GRIK2: variants seen among roughly 807,000 people sequenced by gnomAD.
GRIK2 encodes glutamate ionotropic receptor kainate type subunit 2.
A neutral mutation model predicts 100.3 loss-of-function variants in GRIK2; 32 were observed. That is an observed-to-expected ratio of 0.32 (90% CI 0.24 to 0.43). The LOEUF (loss-of-function observed/expected upper bound fraction) is 0.43, where lower values mean the gene tolerates loss of function less well. Among genes scored for constraint, GRIK2 ranks in the 20% least tolerant of loss-of-function variants. The probability of loss-of-function intolerance (pLI) is 1.00; values close to 1 mark genes in which losing one functional copy is unlikely to be tolerated. For missense variants in GRIK2, 843 were observed against 1,114.9 expected (o/e 0.76, Z 3.47); for synonymous variants, 417 against 389.4 (o/e 1.07, Z -0.83).
chr6:101,606,585 C>G (rs1367452307), intron 2 of GRIK2, among the ~76,000 whole-genome samples: 1 of 151,982 alleles, frequency 6.6e-6, no homozygotes, highest in African/African-American at 2.4e-5. Flanking sequence ...CTAATAATAG[C>G]AGAAACAGGA....
At chr6:101,461,402 CTTG>C (rs1771301212) in intron 2 of GRIK2, among the ~76,000 whole-genome samples, 1 of 152,142 alleles carries the variant, frequency 6.6e-6, no homozygotes, top group African/African-American at 2.4e-5. Context: ...ATCCTAGTTA[CTTG>C]TTGTTTGCAG....
At chr6:101,944,974 T>C (rs1791185540) in intron 14 of GRIK2, among the ~76,000 whole-genome samples, 1 of 152,040 alleles carries the variant, frequency 6.6e-6, no homozygotes, top group Non-Finnish European at 1.5e-5. Flanking sequence ...ATTACTTCAC[T>C]TGGAAAGATA....
chr6:102,047,969 C>A (rs1027786587), intron 15 of GRIK2, among the ~76,000 whole-genome samples: 2 of 151,076 alleles, frequency 1.3e-5, no homozygotes, highest in Non-Finnish European at 1.5e-5. Flanking sequence ...CACTGCAAAT[C>A]AATAGTAATC....
In GRIK2 at chr6:101,731,223, TAAAGA is replaced by T. The variant is rs201978740; in HGVS notation, c.951+44873_951+44877del. Among the ~76,000 whole-genome samples, 508 of 152,098 alleles carry T rather than the reference TAAAGA, an allele frequency of 3.3e-3. 3 individuals are homozygous for T. Among genetic ancestry groups the T allele is most frequent in the African/African-American group, 0.01 (435 of 41,562 alleles). ...GACAATTCCACCCTAACCCAGTTGC[TAAAGA>T]AACTGTTTTGATGCCTTTATTTTTC... On this transcript the variant is annotated intron_variant, in intron 7 of 16. Coordinates refer to ENST00000369134, the MANE Select transcript of GRIK2 (RefSeq NM_021956.5).
At chr6:101,498,183 C>A (rs982241453) in intron 2 of GRIK2, among the ~76,000 whole-genome samples, 1 of 150,578 alleles carries the variant, frequency 6.6e-6, no homozygotes, top group African/African-American at 2.5e-5. Context: ...CATGTCCCTA[C>A]AAAGGACATG....
chr6:101,760,220 T>C (rs1459163439), intron 7 of GRIK2, among the ~76,000 whole-genome samples: 2 of 146,516 alleles, frequency 1.4e-5, no homozygotes, highest in Admixed American at 1.4e-4. Flanking sequence ...TTTAACATTG[T>C]TGAGTGATGA....
intron 11 of GRIK2, among the ~76,000 whole-genome samples, chr6:101,859,901 A>T (rs992488591): frequency 6.6e-6 from 1 of 152,180 alleles, no homozygotes; most frequent in Non-Finnish European, 1.5e-5. Context: ...TATTCTAAGA[A>T]AAAGGGGTGA....
At chr6:101,667,428 T>A (rs571131065) in intron 4 of GRIK2, among the ~76,000 whole-genome samples, 1 of 152,324 alleles carries the variant, frequency 6.6e-6, no homozygotes, top group South Asian at 2.1e-4. Flanking sequence ...ATTCTAAGTG[T>A]GTACACACAT....
intron 12 of GRIK2, among the ~76,000 whole-genome samples, chr6:101,904,984 G>T (rs1159122752): frequency 6.6e-6 from 1 of 151,456 alleles, no homozygotes; most frequent in Non-Finnish European, 1.5e-5. Context: ...AAGCAGAACT[G>T]AAAGAAGGTC....
At chr6:101,995,837 C>T (rs1370644244) in intron 14 of GRIK2, among the ~76,000 whole-genome samples, 1 of 151,866 alleles carries the variant, frequency 6.6e-6, no homozygotes, top group African/African-American at 2.4e-5. Context: ...TACCTATTCA[C>T]AAAATTGTTT....
intron 12 of GRIK2, among the ~76,000 whole-genome samples, chr6:101,907,367 T>G (rs1788301921): frequency 1.6e-5 from 2 of 122,922 alleles, no homozygotes. Flanking sequence ...CCTATGGAGT[T>G]CTAGGCCCCT....
intron 2 of GRIK2, among the ~76,000 whole-genome samples, chr6:101,586,407 A>C (rs1439159402): frequency 6.6e-6 from 1 of 152,140 alleles, no homozygotes; most frequent in Non-Finnish European, 1.5e-5. Context: ...ATTGTAACAT[A>C]AAAAGTGATC....
At chr6:101,652,711 A>C (rs1024709335) in intron 4 of GRIK2, among the ~76,000 whole-genome samples, 7 of 152,188 alleles carry the variant, frequency 4.6e-5, no homozygotes, top group African/African-American at 1.7e-4. Context: ...TGCAGTATTG[A>C]GAGAATTGTG....
At chr6:101,399,943 G>A (rs993718505) in intron 2 of GRIK2, among the ~76,000 whole-genome samples, 1 of 152,166 alleles carries the variant, frequency 6.6e-6, no homozygotes, top group Non-Finnish European at 1.5e-5. Flanking sequence ...CCAGTCCCTG[G>A]TGCCCTTACT....
intron 2 of GRIK2, among the ~76,000 whole-genome samples, chr6:101,483,615 C>T (rs1257177029): frequency 6.6e-6 from 1 of 152,128 alleles, no homozygotes; most frequent in East Asian, 1.9e-4. Context: ...TGCTCTGTTG[C>T]CTAGGCTGGA....
intron 7 of GRIK2, among the ~76,000 whole-genome samples, chr6:101,693,008 A>G (rs9390768): frequency 0.16 from 24,120 of 152,082 alleles, 2,510 homozygotes; most frequent in East Asian, 0.44. Context: ...TCTAAGATGC[A>G]CTAAGCTACA....
chr6:101,484,145 G>T (rs1336943210), intron 2 of GRIK2, among the ~76,000 whole-genome samples: 1 of 152,082 alleles, frequency 6.6e-6, no homozygotes, highest in Non-Finnish European at 1.5e-5. Context: ...AGACAACAAA[G>T]AATAAAATGA....
intron 2 of GRIK2, among the ~76,000 whole-genome samples, chr6:101,464,197 C>T (rs1771490431): frequency 6.6e-6 from 1 of 152,098 alleles, no homozygotes; most frequent in African/African-American, 2.4e-5. Flanking sequence ...AGCTAGCAAT[C>T]AAGGCAACTA....
At chr6:101,894,117 A>T (rs1038822234) in intron 12 of GRIK2, among the ~76,000 whole-genome samples, 1 of 151,496 alleles carries the variant, frequency 6.6e-6, no homozygotes, top group Non-Finnish European at 1.5e-5. Flanking sequence ...TTTTATTACA[A>T]ATTAAGATCT....
Sources: allele counts gnomAD v4.1 joint callset (sites outside exome capture counted in the v4.1 genomes callset), GRCh38; gene constraint gnomAD v4.1.1; transcripts MANE v1.5; gene names NCBI Gene and HGNC (gene_info 2026-07-23, HGNC 2026-07-21).